The following DNAH1 variants were observed in gnomAD, a reference collection of about 807,000 sequenced individuals.
DNAH1 encodes the protein dynein axonemal heavy chain 1, also known as axonemal beta dynein heavy chain 1.
A neutral mutation model predicts 484.3 loss-of-function variants in DNAH1; 327 were observed. The ratio of observed to expected loss-of-function variants is 0.68; its 90% CI spans 0.62 to 0.74. DNAH1 has a LOEUF of 0.74. Among genes scored for constraint, DNAH1 ranks in the 30% least tolerant of loss-of-function variants. The pLI is 0.00. For synonymous variants in DNAH1, 2,192 were observed against 2,191.9 expected, an observed-to-expected ratio of 1.00 and a Z score of 0.00; for missense variants, 5,052 against 5,546.8, an observed-to-expected ratio of 0.91 and a Z score of 2.83.
intron 44 of DNAH1, among the ~76,000 whole-genome samples, 182 bp from the exon 45 acceptor site, chr3:52,375,053 AAAGTT>A (rs995597865): frequency 3.3e-5 from 5 of 152,076 alleles, no homozygotes; most frequent in African/African-American, 9.7e-5. Context: ...AAAAAAAAAA[AAAGTT>A]AAAGGAGAGG....
chr3:52,352,495 G>A lies in DNAH1; in HGVS notation c.2872-57G>A, dbSNP rs1702426093. 8 of 1,574,292 alleles carry A rather than the reference G, an allele frequency of 5.1e-6. No individual in the cohort carries two copies. In the South Asian group the frequency reaches 9.2e-5, roughly 18 times the overall value. On this transcript the variant is annotated intron_variant, in intron 17 of 77. Transcript: ENST00000420323. The stretch of plus-strand genomic sequence containing the variant: ...CTGGTTCCCTGGGTTTGCATGGGAA[G>A]GCCTGGACACAAGTGGGGCTGCAGG...
At chr3:52,319,159 T>C (rs140835608) in intron 1 of DNAH1, among the ~76,000 whole-genome samples, 17 of 152,328 alleles carry the variant, frequency 1.1e-4, no homozygotes, top group African/African-American at 4.1e-4. Context: ...CAGCTGTAAA[T>C]TGGCAATAAT....
At chr3:52,383,346 A>G (rs1703942413) in intron 50 of DNAH1, 40 bp from the exon 51 acceptor site, 17 of 1,575,350 alleles carry the variant, frequency 1.1e-5, no homozygotes, top group Middle Eastern at 1.7e-4. Context: ...ATAGTCCAAC[A>G]TGCAGGGGCT....
rs138945795 is a variant in DNAH1, at chr3:52,388,044, G to A, written c.9004-123G>A. On this transcript the variant is annotated intron_variant, in intron 56 of 77. Transcript: ENST00000420323. ...GTTGTTCCTTAAGGAGAAAGAATCT[G>A]TACTGAGGCCTGCACAGGGCATAAA... 6,849 of 1,260,846 alleles carry A rather than the reference G, an allele frequency of 5.4e-3. 64 individuals carry two copies. Among genetic ancestry groups the A allele is most frequent in the South Asian group, 0.023 (1,560 of 68,650 alleles). 78.1% of individuals were successfully genotyped at this position (1,260,846 alleles called of 1,614,324 possible).
intron 64 of DNAH1, 31 bp from the exon 65 acceptor site, chr3:52,392,799 T>TGGGGGGGGGGGGGGGGGGGGGGGGGGGG: frequency 2.4e-6 from 3 of 1,274,370 alleles, no homozygotes; most frequent in Non-Finnish European, 2.2e-6. Flanking sequence ...TTCTGCTCTT[T>TGGGGGGGGGGGGGGGGGGGGGGGGGGGG]GACCCCTCCC....
In DNAH1 at chr3:52,355,779, C is replaced by G. The variant is rs1008477566; in HGVS notation, c.3693+724C>G. ...GTCCACTCGACCTGGAGTTTGACAC[C>G]CGCCTTCCATCTCCTCCAAGGCCCA... On this transcript the variant is annotated intron_variant, in intron 21 of 77. Transcript: ENST00000420323. The surrounding 1 kb of genome is among the most constrained non-coding windows in gnomAD (Gnocchi z 4.5). Among the ~76,000 whole-genome samples the G allele has an allele frequency of 6.6e-6, 1 of 152,238 alleles. No individual in the cohort carries two copies. The highest frequency in any genetic ancestry group is 1.9e-4 in the East Asian group (1 of 5,200).
At chr3:52,340,916 G>A (rs140501928) in intron 8 of DNAH1, among the ~76,000 whole-genome samples, 1 of 151,778 alleles carries the variant, frequency 6.6e-6, no homozygotes, top group Non-Finnish European at 1.5e-5. Flanking sequence ...GCTGATTCTA[G>A]TTGTGCTAAA....
chr3:52,345,598 G>T lies in DNAH1; in HGVS notation c.1548G>T (p.Val516=). The change falls in exon 10 of 78, where the codon GTG becomes GTT. Residue 516 remains valine (V), a synonymous_variant. Transcript: ENST00000420323. The part of the protein sequence containing the change: ...RPEVITALSK[V]RAECNKVTAM... ...AGGTCATCACGGCCCTCAGCAAGGTGAGGGCCGAGTGCAACAAGGTGACCG... is the reference window on the plus strand; with the variant it reads ...AGGTCATCACGGCCCTCAGCAAGGTTAGGGCCGAGTGCAACAAGGTGACCG... The T allele has an allele frequency of 6.2e-7, 1 of 1,605,434 alleles. No individual in the cohort carries two copies. Among genetic ancestry groups the T allele is most frequent in the Non-Finnish European group, 8.5e-7 (1 of 1,175,762 alleles).
At position 52,389,545 on chromosome 3, in the gene DNAH1, A is replaced by G. The variant is rs1008679340; in HGVS notation, c.9580A>G (p.Ile3194Val). The G allele has an allele frequency of 9.9e-6, 15 of 1,511,640 alleles. No individual in the cohort carries two copies. Among genetic ancestry groups the G allele is most frequent in the Non-Finnish European group, 1.3e-5 (15 of 1,127,308 alleles). The allele number at this position is 1,511,640 out of a possible 1,614,324, so 93.6% of individuals were successfully genotyped here. ...NVPHTSEPTL[I>V]GTLGNPVKIR... ...CCCACACACCTCCGAGCCCACGCTA[A>G]TCGGGACGCTGGGGAACCCTGTGAA... The change falls in exon 60 of 78, where the codon ATC becomes GTC. Residue 3194 changes from isoleucine to valine, a missense_variant. By Grantham distance (29) the Ile-to-Val change is conservative (BLOSUM62 3). This residue lies in a region of DNAH1 where 2,929 missense variants were observed against 3,409.4 expected (regional missense o/e 0.86). Transcript: ENST00000420323.
In DNAH1 at chr3:52,349,062, G is replaced by A; in HGVS notation, c.2281G>A (p.Asp761Asn). Residue 761 changes from aspartate to asparagine, a missense_variant, in exon 13 of 78, where the codon GAC becomes AAC. This residue lies in a region of DNAH1 where 1,263 missense variants were observed against 1,218.8 expected (regional missense o/e 1.04). Coordinates refer to ENST00000420323, the MANE Select transcript of DNAH1 (RefSeq NM_015512.5). The stretch of plus-strand genomic sequence containing the variant: ...AAAGTACCTGGAGCTGAACAACAAT[G>A]ACATTGCCTCCTTTCTCAAGTGCGT... ...YRKYLELNNN[D>N]IASFLKTYQT... is the part of the protein sequence containing the mutation. The A allele has an allele frequency of 6.2e-7, 1 of 1,612,878 alleles. No homozygotes were observed. The highest frequency in any genetic ancestry group is 8.5e-7 in the Non-Finnish European group (1 of 1,179,888).
At position 52,388,401 on chromosome 3, in the gene DNAH1, C is replaced by G; in HGVS notation, c.9172-17C>G. Reference sequence around the variant, plus strand: ...GGGGGTACTTGGCGAGCTAATCCTGCGCCCTCCGCCCCACAGCAAGCCCTG... The same window carrying G: ...GGGGGTACTTGGCGAGCTAATCCTGGGCCCTCCGCCCCACAGCAAGCCCTG... On this transcript the variant is annotated splice_polypyrimidine_tract_variant and intron_variant, in intron 57 of 77. Coordinates refer to ENST00000420323, the MANE Select transcript of DNAH1 (RefSeq NM_015512.5). The G allele has an allele frequency of 1.2e-6, 2 of 1,605,908 alleles. No individual in the cohort carries two copies. The highest frequency in any genetic ancestry group is 8.5e-7 in the Non-Finnish European group (1 of 1,176,120).
intron 41 of DNAH1, 86 bp from the exon 42 acceptor site, chr3:52,371,860 C>G: frequency 6.4e-7 from 1 of 1,554,848 alleles, no homozygotes; most frequent in South Asian, 1.2e-5. Context: ...CAGCTCCTGG[C>G]CCTTCTGCAC....
chr3:52,398,490 A>T (rs774097448), intron 75 of DNAH1, among the ~76,000 whole-genome samples: 10 of 152,168 alleles, frequency 6.6e-5, no homozygotes, highest in Non-Finnish European at 1.2e-4. Flanking sequence ...GGGTTTCACC[A>T]TGTTGGCCAG....
At chr3:52,312,329 T>C (rs1476517184), upstream of DNAH1, among the ~76,000 whole-genome samples, 1 of 152,090 alleles carries the variant, frequency 6.6e-6, no homozygotes, top group Non-Finnish European at 1.5e-5. Flanking sequence ...GGGTCATATT[T>C]TCAGGGCCGC....
Position 52,358,773 on chromosome 3 carries a change from T to G in DNAH1, c.4266+36T>G. The G allele has an allele frequency of 6.2e-7, 1 of 1,608,184 alleles. No individual in the cohort carries two copies. Among genetic ancestry groups the G allele is most frequent in the Non-Finnish European group, 8.5e-7 (1 of 1,178,214 alleles). On this transcript the variant is annotated intron_variant, in intron 25 of 77. Transcript: ENST00000420323. This position sits in a 1 kb window ranked among gnomAD's most constrained non-coding sequence, Gnocchi z 4.2. Reference sequence around the variant, plus strand: ...CGCAGCCCGTGCAGCCTTCCACCCCTGCACCCCTCTGCTCCCTCTCAGTGC... The same window carrying G: ...CGCAGCCCGTGCAGCCTTCCACCCCGGCACCCCTCTGCTCCCTCTCAGTGC...
At chr3:52,341,155 T>A (rs1388787613) in intron 8 of DNAH1, among the ~76,000 whole-genome samples, 1 of 152,180 alleles carries the variant, frequency 6.6e-6, no homozygotes, top group Non-Finnish European at 1.5e-5. Flanking sequence ...GGGAAGTGCA[T>A]TCCTGTACCT....
At chr3:52,373,829 T>A in intron 44 of DNAH1, 1 of 1,415,738 alleles carries the variant, frequency 7.1e-7, no homozygotes, top group Non-Finnish European at 1.0e-6. Context: ...TCACAGAGCC[T>A]GTTTACCCAG....
At chr3:52,346,083 T>G (rs1702129946) in intron 10 of DNAH1, among the ~76,000 whole-genome samples, 1 of 152,158 alleles carries the variant, frequency 6.6e-6, no homozygotes. Flanking sequence ...CCCTCTGCAC[T>G]CAACTCTGTC....
chr3:52,312,001 C>A (rs1484980969), upstream of DNAH1, among the ~76,000 whole-genome samples: 1 of 152,250 alleles, frequency 6.6e-6, no homozygotes, highest in Non-Finnish European at 1.5e-5. Context: ...CTTCCCAGCC[C>A]AAGCTCCCTC....
Sources: gnomAD v4.1 joint callset for allele counts (sites outside exome capture counted in the v4.1 genomes callset) on GRCh38, gnomAD v4.1.1 for gene constraint, gnomAD v4.1.1 regional missense constraint, Gnocchi (gnomAD v3.1) non-coding constraint, MANE v1.5 for transcripts, NCBI Gene and HGNC (gene_info 2026-07-23, HGNC 2026-07-21) for gene names.